The following ZFHX4 variants were observed in gnomAD, a reference collection of about 807,000 sequenced individuals.
The protein encoded by ZFHX4 is zinc finger homeobox protein 4.
In ZFHX4, 56 loss-of-function variants were observed where a neutral mutation model predicts 267.6. That is an observed-to-expected ratio of 0.21 (90% confidence interval 0.17 to 0.26). The LOEUF is 0.26. Among genes scored for constraint, ZFHX4 ranks in the 10% least tolerant of loss-of-function variants. The probability of loss-of-function intolerance (pLI) is 1.00; values close to 1 mark genes in which losing one functional copy is unlikely to be tolerated. For synonymous variants in ZFHX4, 1,778 were observed against 1,665.6 expected, an observed-to-expected ratio of 1.07 and a Z score of -1.64; for missense variants, 4,332 against 4,420.0, an observed-to-expected ratio of 0.98 and a Z score of 0.56.
Position 76,706,121 on chromosome 8 carries a change from A to C in ZFHX4, c.2033A>C (p.Lys678Thr). ...CCGGGTGGCTCTTGTGTTTATTGTA[A>C]GACTGGACAGCCTCACCCCAGGCTT... Reference protein sequence around the residue: ...PEPGGSCVYCKTGQPHPRLAR... With the variant: ...PEPGGSCVYCTTGQPHPRLAR... Residue 678 changes from lysine (K) to threonine (T), a missense_variant, in exon 2 of 11, where the codon AAG becomes ACG. By Grantham distance (78) the Lys-to-Thr change is moderately conservative. Transcript: ENST00000651372. The C allele has an allele frequency of 6.2e-7, 1 of 1,613,736 alleles. No individual in the cohort carries two copies. Among genetic ancestry groups the C allele is most frequent in the Non-Finnish European group, 8.5e-7 (1 of 1,179,862 alleles).
intron 1 of ZFHX4, among the ~76,000 whole-genome samples, chr8:76,682,024 G>A (rs1303009871): frequency 1.3e-5 from 2 of 152,112 alleles, no homozygotes; most frequent in African/African-American, 4.8e-5. Context: ...GTCTTTTCGG[G>A]TTTTGCCTTC....
At chr8:76,786,226 TA>T (rs1280921136) in intron 4 of ZFHX4, among the ~76,000 whole-genome samples, 1 of 151,596 alleles carries the variant, frequency 6.6e-6, no homozygotes, top group Non-Finnish European at 1.5e-5. Context: ...ACAGAACTTT[TA>T]AAAAAAAGCA....
At chr8:76,793,331 C>A (rs1266635755) in intron 4 of ZFHX4, among the ~76,000 whole-genome samples, 2 of 152,044 alleles carry the variant, frequency 1.3e-5, no homozygotes, top group African/African-American at 2.4e-5. Context: ...TTATTTAAAT[C>A]ATTCCATGTG....
intron 1 of ZFHX4, among the ~76,000 whole-genome samples, chr8:76,695,016 A>AT (rs1312727018): frequency 6.6e-6 from 1 of 151,864 alleles, no homozygotes; most frequent in Non-Finnish European, 1.5e-5. Flanking sequence ...GGAGAGAGAC[A>AT]TTTTTGTGCT....
intron 4 of ZFHX4, among the ~76,000 whole-genome samples, chr8:76,810,391 G>T (rs894487746): frequency 1.3e-5 from 2 of 152,116 alleles, no homozygotes; most frequent in Non-Finnish European, 2.9e-5. Flanking sequence ...GCTACAGCTG[G>T]TTACTTCATT....
intron 4 of ZFHX4, among the ~76,000 whole-genome samples, chr8:76,791,760 A>T (rs1377107604): frequency 1.3e-5 from 2 of 152,142 alleles, no homozygotes; most frequent in Non-Finnish European, 2.9e-5. Flanking sequence ...TTGTAGCATA[A>T]ATTATCTGTA....
chr8:76,701,202 C>A (rs1234158159), intron 1 of ZFHX4, among the ~76,000 whole-genome samples: 1 of 151,810 alleles, frequency 6.6e-6, no homozygotes, highest in Admixed American at 6.6e-5. Context: ...CCAATAGCAA[C>A]AAAATAAAAA....
At chr8:76,716,903 G>A (rs546699737) in intron 3 of ZFHX4, among the ~76,000 whole-genome samples, 2 of 152,242 alleles carry the variant, frequency 1.3e-5, no homozygotes, top group South Asian at 4.1e-4. Context: ...TCTAGTGCCT[G>A]AGCTCTCAGT....
At position 76,849,433 on chromosome 8, in the gene ZFHX4, AC is replaced by A. The variant is rs549837365; in HGVS notation, c.3646-74del. On this transcript the variant is annotated intron_variant, in intron 7 of 10. Coordinates refer to ENST00000651372, the MANE Select transcript of ZFHX4 (RefSeq NM_024721.5). ...AAGCATGTACCAAAATATCACACGTACCCCCAAAATACAACTACTATGTATC... is the reference window on the plus strand; with the variant it reads ...AAGCATGTACCAAAATATCACACGTACCCCAAAATACAACTACTATGTATC... 326 of 1,324,600 alleles carry A rather than the reference AC, an allele frequency of 2.5e-4. 2 individuals carry two copies. The African/African-American group carries it at 3.7e-3, about 15-fold the overall frequency. The allele number at this position is 1,324,600 out of a possible 1,614,324, so 82.1% of individuals were successfully genotyped here. A position where few individuals can be genotyped will look rare whatever the true frequency, so the allele number is the denominator to read the frequency against.
intron 4 of ZFHX4, among the ~76,000 whole-genome samples, chr8:76,802,876 A>G (rs1295256465): frequency 6.6e-6 from 1 of 152,116 alleles, no homozygotes; most frequent in Non-Finnish European, 1.5e-5. Context: ...TTCCCTACAA[A>G]CCTATTTCTA....
At chr8:76,750,940 T>C (rs1412608733) in intron 3 of ZFHX4, among the ~76,000 whole-genome samples, 1 of 152,148 alleles carries the variant, frequency 6.6e-6, no homozygotes, top group Non-Finnish European at 1.5e-5. Flanking sequence ...ACACATTTTC[T>C]CATACCTTAA....
At chr8:76,840,776 C>T (rs898934717) in intron 5 of ZFHX4, among the ~76,000 whole-genome samples, 2 of 152,120 alleles carry the variant, frequency 1.3e-5, no homozygotes, top group African/African-American at 2.4e-5. Context: ...TGTCATAGGT[C>T]GCGAACTAGA....
At position 76,784,956 on chromosome 8, in the gene ZFHX4, A is replaced by G. The variant is rs73237576; in HGVS notation, c.3325+6517A>G. Among the ~76,000 whole-genome samples the G allele has an allele frequency of 4.4e-3, 665 of 152,186 alleles. 9 individuals carry two copies. Among genetic ancestry groups the G allele is most frequent in the African/African-American group, 0.015 (630 of 41,556 alleles). On this transcript the variant is annotated intron_variant, in intron 4 of 10. Coordinates refer to ENST00000651372, the MANE Select transcript of ZFHX4 (RefSeq NM_024721.5). The stretch of plus-strand genomic sequence containing the variant: ...GTTCTACAAAATAAAAATATGAAAT[A>G]CACAATCCACAGCTAATATTAATTA...
At chr8:76,819,169 A>C (rs1339735453) in intron 4 of ZFHX4, among the ~76,000 whole-genome samples, 1 of 144,854 alleles carries the variant, frequency 6.9e-6, no homozygotes, top group African/African-American at 2.6e-5. Context: ...TTTTTAACTC[A>C]CAAAAAGTAT....
At chr8:76,778,704 G>A (rs1213679755) in intron 4 of ZFHX4, among the ~76,000 whole-genome samples, 1 of 152,174 alleles carries the variant, frequency 6.6e-6, no homozygotes, top group Non-Finnish European at 1.5e-5. Context: ...TACCTTGGGA[G>A]GATCTCACAG....
chr8:76,801,943 C>T (rs1811127972), intron 4 of ZFHX4, among the ~76,000 whole-genome samples: 1 of 152,026 alleles, frequency 6.6e-6, no homozygotes, highest in Non-Finnish European at 1.5e-5. Context: ...AGGAGATGGG[C>T]AGAGGAAAAG....
chr8:76,707,962 G>A lies in ZFHX4; in HGVS notation c.3007G>A (p.Ala1003Thr), dbSNP rs369411377. 298 of 1,613,956 alleles carry A rather than the reference G, an allele frequency of 1.8e-4. 3 individuals carry two copies. Among genetic ancestry groups the A allele is most frequent in the East Asian group, 1.2e-3 (54 of 44,874 alleles). The change falls in exon 3 of 11, where the codon GCC becomes ACC. Residue 1003 changes from alanine (A) to threonine (T), a missense_variant. Transcript: ENST00000651372. ...IGNPVHLKCN[A>T]CDYYTNSVDK... ...CAACCCTGTTCACCTAAAATGTAAC[G>A]CCTGTGACTATTACACCAACAGTGT...
At chr8:76,857,679 T>C (rs2131968282) in intron 10 of ZFHX4, among the ~76,000 whole-genome samples, 1 of 152,170 alleles carries the variant, frequency 6.6e-6, no homozygotes, top group Admixed American at 6.5e-5. Flanking sequence ...CCATGTCCCT[T>C]CCTTGAACTG....
intron 4 of ZFHX4, among the ~76,000 whole-genome samples, chr8:76,783,087 A>G (rs773411371): frequency 6.6e-6 from 1 of 151,988 alleles, no homozygotes; most frequent in Non-Finnish European, 1.5e-5. Flanking sequence ...GCTTATAATC[A>G]TGGTTGCAAT....
Sources: gnomAD v4.1 joint callset for allele counts (sites outside exome capture counted in the v4.1 genomes callset) on GRCh38, gnomAD v4.1.1 for gene constraint, MANE v1.5 for transcripts, NCBI Gene and HGNC (gene_info 2026-07-23, HGNC 2026-07-21) for gene names.